DCLK1: variants seen among roughly 807,000 people sequenced by gnomAD.
DCLK1 encodes doublecortin like kinase 1.
Under a neutral mutation model 86.2 loss-of-function variants are expected in DCLK1, and 16 were observed. The ratio of observed to expected loss-of-function variants is 0.19; its 90% CI spans 0.13 to 0.28. DCLK1 has a LOEUF of 0.28. DCLK1 is among the 10% of genes least tolerant of loss of function. The probability of loss-of-function intolerance (pLI) is 1.00; values close to 1 mark genes in which losing one functional copy is unlikely to be tolerated. For missense variants in DCLK1, 590 were observed against 940.2 expected (o/e 0.63, Z 4.87); for synonymous variants, 369 against 370.5 (o/e 1.00, Z 0.05).
At chr13:35,955,787 A>AT (rs1877946414) in intron 3 of DCLK1, among the ~76,000 whole-genome samples, 1 of 152,188 alleles carries the variant, frequency 6.6e-6, no homozygotes, top group Non-Finnish European at 1.5e-5. Context: ...AATCAGTTCC[A>AT]TGCCTGGCTT....
intron 15 of DCLK1, 62 bp downstream of exon 15, chr13:35,805,637 C>T: frequency 6.6e-7 from 1 of 1,512,048 alleles, no homozygotes; most frequent in South Asian, 1.2e-5. Flanking sequence ...ATTAGAAAAT[C>T]TGCAACTGAT....
At chr13:36,013,701 C>A (rs1377906039) in intron 3 of DCLK1, among the ~76,000 whole-genome samples, 1 of 152,052 alleles carries the variant, frequency 6.6e-6, no homozygotes, top group African/African-American at 2.4e-5. Flanking sequence ...GCCCTGCCCC[C>A]AGAGGTGGAG....
chr13:35,942,986 C>T (rs1469165201), intron 4 of DCLK1, among the ~76,000 whole-genome samples: 1 of 152,184 alleles, frequency 6.6e-6, no homozygotes, highest in East Asian at 1.9e-4. Flanking sequence ...ACAGCTCCCA[C>T]CAATGTCTTT....
At chr13:35,830,833 C>A (rs1292677605) in intron 8 of DCLK1, among the ~76,000 whole-genome samples, 1 of 152,216 alleles carries the variant, frequency 6.6e-6, no homozygotes, top group African/African-American at 2.4e-5. Context: ...ATGGACAGGA[C>A]CGTGCTGGTC....
At chr13:35,860,534 G>C (rs1871322218) in intron 5 of DCLK1, among the ~76,000 whole-genome samples, 4 of 152,066 alleles carry the variant, frequency 2.6e-5, no homozygotes, top group Non-Finnish European at 5.9e-5. Context: ...TGGGAAGGAG[G>C]GGCCCCAGGA....
Position 35,773,914 on chromosome 13 carries a change from G to A in DCLK1, c.*621C>T, listed in dbSNP as rs371422615. ...CACAAACCCAATTCCCTCCACTTGG[G>A]ATGCAGAACTCACTGCAACTGACAG... On this transcript the variant is annotated 3_prime_UTR_variant, in exon 17 of 17. Transcript: ENST00000360631. 6.6e-6 allele frequency: 1 copy of A among 152,104 alleles called. No homozygotes were observed. The highest frequency in any genetic ancestry group is 2.4e-5 in the African/African-American group (1 of 41,318). The allele number at this position is 152,104 out of a possible 1,614,324, so 9.4% of individuals were successfully genotyped here. A position where few individuals can be genotyped will look rare whatever the true frequency, so the allele number is the denominator to read the frequency against.
intron 4 of DCLK1, among the ~76,000 whole-genome samples, chr13:35,872,777 C>A (rs1872359957): frequency 6.6e-6 from 1 of 152,068 alleles, no homozygotes; most frequent in South Asian, 2.1e-4. Context: ...ATATCACTAA[C>A]ATTTTTAATA....
At position 35,827,656 on chromosome 13, in the gene DCLK1, A is replaced by G. The variant is rs1245135883; in HGVS notation, c.1386T>C (p.Tyr462=). The part of the protein sequence containing the change: ...IEEMDVPTEL[Y]LVMELVKGGD... ...ACACCTTTACTAATTCCATGACAAG[A>G]TACAGTTCAGTTGGCACATCCATCT... The change falls in exon 10 of 17, where the codon TAT becomes TAC. Residue 462 remains tyrosine (Y), a synonymous_variant. Transcript: ENST00000360631. 1 of 1,613,922 alleles carries G rather than the reference A, an allele frequency of 6.2e-7. No homozygotes were observed. The highest frequency in any genetic ancestry group is 8.5e-7 in the Non-Finnish European group (1 of 1,179,998).
intron 4 of DCLK1, among the ~76,000 whole-genome samples, chr13:35,917,435 G>C (rs947235985): frequency 1.1e-4 from 16 of 151,958 alleles, no homozygotes; most frequent in South Asian, 2.1e-4. Flanking sequence ...TGATGCTTCG[G>C]GGGTTGCCAG....
At chr13:35,899,041 T>G (rs932494742) in intron 4 of DCLK1, among the ~76,000 whole-genome samples, 1 of 152,148 alleles carries the variant, frequency 6.6e-6, no homozygotes, top group African/African-American at 2.4e-5. Flanking sequence ...ACCCTTAGCA[T>G]GTGTTTTGAT....
At chr13:35,863,612 G>A (rs1006745735) in intron 5 of DCLK1, among the ~76,000 whole-genome samples, 4 of 152,142 alleles carry the variant, frequency 2.6e-5, no homozygotes, top group African/African-American at 9.7e-5. Flanking sequence ...CCAACCTCTC[G>A]ATTTTCTTGA....
intron 3 of DCLK1, among the ~76,000 whole-genome samples, chr13:36,097,721 T>C (rs572916295): frequency 1.3e-5 from 2 of 152,250 alleles, no homozygotes; most frequent in East Asian, 3.9e-4. Context: ...TTTAACAGGG[T>C]AGTATATTAA....
At chr13:36,085,682 T>G (rs1884566798) in intron 3 of DCLK1, among the ~76,000 whole-genome samples, 1 of 152,220 alleles carries the variant, frequency 6.6e-6, no homozygotes, top group South Asian at 2.1e-4. Context: ...CTGAATGTTA[T>G]CAAGCAAAAT....
chr13:36,119,341 G>A (rs957538543), intron 2 of DCLK1, among the ~76,000 whole-genome samples: 2 of 152,098 alleles, frequency 1.3e-5, no homozygotes, highest in African/African-American at 4.8e-5. Flanking sequence ...AATTTGGAAA[G>A]TAAAGAGGGA....
At chr13:35,946,010 C>T (rs116739940) in intron 4 of DCLK1, among the ~76,000 whole-genome samples, 235 of 152,300 alleles carry the variant, frequency 1.5e-3, no homozygotes, top group African/African-American at 5.6e-3. Context: ...CCTCCCTACA[C>T]ACTCTAAGTC....
At chr13:35,889,235 C>T (rs1396013911) in intron 4 of DCLK1, among the ~76,000 whole-genome samples, 3 of 152,312 alleles carry the variant, frequency 2.0e-5, no homozygotes, top group African/African-American at 2.4e-5. Context: ...CATGTTCATA[C>T]ACAGAAAATA....
At chr13:35,888,727 C>T (rs1245197903) in intron 4 of DCLK1, among the ~76,000 whole-genome samples, 2 of 152,180 alleles carry the variant, frequency 1.3e-5, no homozygotes, top group African/African-American at 4.8e-5. Flanking sequence ...GCATTTGGCC[C>T]TCAGCCATCA....
At chr13:35,813,300 T>A (rs934262833) in intron 11 of DCLK1, among the ~76,000 whole-genome samples, 1 of 152,206 alleles carries the variant, frequency 6.6e-6, no homozygotes, top group Non-Finnish European at 1.5e-5. Flanking sequence ...AGGAATTTTG[T>A]AGCTTTTTTC....
At position 35,770,066 on chromosome 13, in the gene DCLK1, G is replaced by A. The variant is rs933828363; in HGVS notation, c.*4469C>T. 1 of 152,236 alleles carries A rather than the reference G, an allele frequency of 6.6e-6. No homozygotes were observed. The highest frequency in any genetic ancestry group is 2.4e-5 in the African/African-American group (1 of 41,542). 9.4% of individuals were successfully genotyped at this position (152,236 alleles called of 1,614,324 possible). A position where few individuals can be genotyped will look rare whatever the true frequency, so the allele number is the denominator to read the frequency against. ...AAGTTCCTGTTTCCCACCAGTTTAC[G>A]ACCCTTAATGTTACTGCATGTATGG... On this transcript the variant is annotated 3_prime_UTR_variant, in exon 17 of 17. Coordinates refer to ENST00000360631, the MANE Select transcript of DCLK1 (RefSeq NM_001330071.2).
Sources: allele counts gnomAD v4.1 joint callset (sites outside exome capture counted in the v4.1 genomes callset), GRCh38; gene constraint gnomAD v4.1.1; transcripts MANE v1.5; gene names NCBI Gene and HGNC (gene_info 2026-07-23, HGNC 2026-07-21).